The following FAM240A variants were observed in gnomAD, a reference collection of about 807,000 sequenced individuals.
The protein encoded by FAM240A is protein FAM240A.
A neutral mutation model predicts 7.3 loss-of-function variants in FAM240A; 8 were observed. The observed-to-expected ratio is 1.09, with a 90% CI of 0.64 to 1.97. The LOEUF is 1.97. Ranked by LOEUF, FAM240A falls within the 30% of genes most tolerant of loss-of-function variation. FAM240A has a pLI of 0.00. For missense variants in FAM240A, 90 were observed against 102.2 expected, an observed-to-expected ratio of 0.88 and a Z score of 0.52; for synonymous variants, 32 against 35.9, an observed-to-expected ratio of 0.89 and a Z score of 0.38.
chr3:46,623,614 A>T (rs1428412693), intron 2 of FAM240A, among the ~76,000 whole-genome samples: 1 of 152,132 alleles, frequency 6.6e-6, no homozygotes, highest in African/African-American at 2.4e-5. Context: ...TGATGAATTG[A>T]CCCTCTTATT....
At chr3:46,621,774 CAAA>C (rs35560044) in intron 2 of FAM240A, among the ~76,000 whole-genome samples, 57,950 of 146,672 alleles carry the variant, frequency 0.4, 11,618 homozygotes, top group Non-Finnish European at 0.46. Flanking sequence ...CCCGCCTTCT[CAAA>C]AAAAAAAAAA....
chr3:46,617,730 G>A (rs1331858649), intron 2 of FAM240A, among the ~76,000 whole-genome samples: 1 of 152,282 alleles, frequency 6.6e-6, no homozygotes. Context: ...GGCAGGGGTG[G>A]GGGTACAAAC....
intron 2 of FAM240A, among the ~76,000 whole-genome samples, chr3:46,624,289 T>G (rs1697731493): frequency 1.0e-5 from 1 of 99,998 alleles, no homozygotes; most frequent in Non-Finnish European, 2.2e-5. Context: ...TTTTTTTTTT[T>G]GAGACAGAGT....
At chr3:46,617,824 C>G (rs1016727981) in intron 2 of FAM240A, among the ~76,000 whole-genome samples, 1 of 152,154 alleles carries the variant, frequency 6.6e-6, no homozygotes, top group Non-Finnish European at 1.5e-5. Flanking sequence ...AGATGGCCTG[C>G]GTGGTTCCTG....
At position 46,614,603 on chromosome 3, in the gene FAM240A, C is replaced by T. The variant is rs188184167; in HGVS notation, c.15+1905C>T. Among the ~76,000 whole-genome samples the T allele has an allele frequency of 2.6e-4, 40 of 152,310 alleles. No individual in the cohort carries two copies. The East Asian group carries it at 7.3e-3, about 28-fold the overall frequency. ...TATCTCCCATTTTACACATGTGGGA[C>T]ACCTCCCAGTGAGTGGGCATGGTGA... On this transcript the variant is annotated intron_variant, in intron 1 of 2. Transcript: ENST00000640551.
At chr3:46,619,301 C>T (rs1233491395) in intron 2 of FAM240A, among the ~76,000 whole-genome samples, 2 of 152,182 alleles carry the variant, frequency 1.3e-5, no homozygotes, top group African/African-American at 2.4e-5. Flanking sequence ...TGGGCTCACC[C>T]TTTTGGGTCC....
Position 46,618,869 on chromosome 3 carries a change from A to G in FAM240A, c.161+1541A>G, listed in dbSNP as rs761481950. The stretch of plus-strand genomic sequence containing the variant: ...AAGAAAAAAAGATATATATATATGT[A>G]TATATATATATATACACACACACAC... On this transcript the variant is annotated intron_variant, in intron 2 of 2. Coordinates refer to ENST00000640551, the MANE Select transcript of FAM240A (RefSeq NM_001195442.2). 4.4e-3 allele frequency among the ~76,000 whole-genome samples: 109 copies of G among 24,962 alleles called. 2 individuals carry two copies. The highest frequency in any genetic ancestry group is 7.6e-3 in the Non-Finnish European group (86 of 11,266). 16.4% of individuals were successfully genotyped at this position (24,962 alleles called of 152,430 possible).
chr3:46,620,908 T>TA (rs1336755519), intron 2 of FAM240A, among the ~76,000 whole-genome samples: 16 of 152,194 alleles, frequency 1.1e-4, no homozygotes, highest in Admixed American at 3.3e-4. Flanking sequence ...TTAAAGGAGT[T>TA]ATTATATTTA....
intron 1 of FAM240A, among the ~76,000 whole-genome samples, chr3:46,616,311 G>A (rs749663552): frequency 6.6e-6 from 1 of 152,158 alleles, no homozygotes; most frequent in African/African-American, 2.4e-5. Context: ...AGAGTCTCAG[G>A]GATCATGGTT....
Position 46,612,585 on chromosome 3 carries a change from T to A in FAM240A, c.-99T>A. 1.1e-6 allele frequency: 1 copy of A among 886,318 alleles called. No homozygotes were observed. 54.9% of individuals were successfully genotyped at this position (886,318 alleles called of 1,614,324 possible). ...AAATGTTCCTTTGTTCTTGTTGATTTGCTGAACGTGAATTGGCTCCTGGGG... is the reference window on the plus strand; with the variant it reads ...AAATGTTCCTTTGTTCTTGTTGATTAGCTGAACGTGAATTGGCTCCTGGGG... On this transcript the variant is annotated 5_prime_UTR_variant, in exon 1 of 3. Transcript: ENST00000640551.
Position 46,625,468 on chromosome 3 carries a change from A to G in FAM240A, c.*250A>G. 1 of 254,080 alleles carries G rather than the reference A, an allele frequency of 3.9e-6. No homozygotes were observed. The highest frequency in any genetic ancestry group is 7.5e-6 in the Non-Finnish European group (1 of 132,996). 15.7% of individuals were successfully genotyped at this position (254,080 alleles called of 1,614,324 possible). A position where few individuals can be genotyped will look rare whatever the true frequency, so the allele number is the denominator to read the frequency against. On this transcript the variant is annotated 3_prime_UTR_variant, in exon 3 of 3. Coordinates refer to ENST00000640551, the MANE Select transcript of FAM240A (RefSeq NM_001195442.2). ...CTAAAGATAGCTTATTTAATATCGAAGCTCCATGCAGCATTCCTTGCTTCT... is the reference window on the plus strand; with the variant it reads ...CTAAAGATAGCTTATTTAATATCGAGGCTCCATGCAGCATTCCTTGCTTCT...
At chr3:46,613,976 T>A (rs536528677) in intron 1 of FAM240A, among the ~76,000 whole-genome samples, 1 of 152,318 alleles carries the variant, frequency 6.6e-6, no homozygotes, top group African/African-American at 2.4e-5. Flanking sequence ...TGGAGTGCAG[T>A]GGTACAAACA....
At position 46,613,594 on chromosome 3, in the gene FAM240A, TC is replaced by T. The variant is rs200025812; in HGVS notation, c.15+901del. Among the ~76,000 whole-genome samples, 1,074 of 152,136 alleles carry T rather than the reference TC, an allele frequency of 7.1e-3. 15 individuals carry two copies. Among genetic ancestry groups the T allele is most frequent in the East Asian group, 0.046 (240 of 5,182 alleles). Reference sequence around the variant, plus strand: ...CCATGCTCCTTTGCCCTCAGTCCCCTCCCCCAACTCGACCTCAGCCAATCCC... The same window carrying T: ...CCATGCTCCTTTGCCCTCAGTCCCCTCCCCAACTCGACCTCAGCCAATCCC... On this transcript the variant is annotated intron_variant, in intron 1 of 2. Coordinates refer to ENST00000640551, the MANE Select transcript of FAM240A (RefSeq NM_001195442.2).
intron 2 of FAM240A, among the ~76,000 whole-genome samples, chr3:46,623,275 T>C (rs1184995371): frequency 6.6e-6 from 1 of 152,178 alleles, no homozygotes; most frequent in African/African-American, 2.4e-5. Context: ...AGGGAACATA[T>C]TGAACCCTTT....
intron 2 of FAM240A, among the ~76,000 whole-genome samples, chr3:46,619,341 C>T (rs1697670279): frequency 6.6e-6 from 1 of 152,144 alleles, no homozygotes; most frequent in Admixed American, 6.5e-5. Flanking sequence ...CTCCCTGGGT[C>T]TCAGTGTCCT....
intron 1 of FAM240A, among the ~76,000 whole-genome samples, chr3:46,614,895 G>T (rs1458197138): frequency 1.3e-5 from 2 of 152,162 alleles, no homozygotes; most frequent in Non-Finnish European, 2.9e-5. Context: ...TCAGACTAAT[G>T]ATGTCCCTAT....
At chr3:46,616,732 A>C (rs1697634398) in intron 1 of FAM240A, among the ~76,000 whole-genome samples, 3 of 142,152 alleles carry the variant, frequency 2.1e-5, no homozygotes, top group African/African-American at 7.9e-5. Flanking sequence ...CACACACATA[A>C]AACATTTTCT....
intron 2 of FAM240A, among the ~76,000 whole-genome samples, chr3:46,622,165 G>A (rs1282972989): frequency 7.0e-6 from 1 of 143,808 alleles, no homozygotes; most frequent in Non-Finnish European, 1.5e-5. Context: ...CAGTGCAGTG[G>A]CTCGATCTTG....
rs1575383506 is a variant in FAM240A, at chr3:46,612,578, G to T, written c.-106G>T. Reference sequence around the variant, plus strand: ...GAGGGACAAATGTTCCTTTGTTCTTGTTGATTTGCTGAACGTGAATTGGCT... The same window carrying T: ...GAGGGACAAATGTTCCTTTGTTCTTTTTGATTTGCTGAACGTGAATTGGCT... On this transcript the variant is annotated 5_prime_UTR_variant, in exon 1 of 3. Transcript: ENST00000640551. The T allele has an allele frequency of 2.4e-6, 2 of 845,550 alleles. No individual in the cohort carries two copies. The highest frequency in any genetic ancestry group is 5.3e-5 in the East Asian group (2 of 37,630). 52.4% of individuals were successfully genotyped at this position (845,550 alleles called of 1,614,324 possible).
Sources: gnomAD v4.1 joint callset for allele counts (sites outside exome capture counted in the v4.1 genomes callset) on GRCh38, gnomAD v4.1.1 for gene constraint, MANE v1.5 for transcripts, NCBI Gene and HGNC (gene_info 2026-07-23, HGNC 2026-07-21) for gene names.